Variants in IP6K2 observed in about 807,000 individuals in gnomAD.
The protein encoded by IP6K2 is inositol hexakisphosphate kinase 2.
IP6K2 carries 9 observed loss-of-function variants against 43.3 expected under a neutral mutation model. That is an observed-to-expected ratio of 0.21 (90% CI 0.13 to 0.36). IP6K2 has a LOEUF of 0.36. Ranked by LOEUF, IP6K2 falls within the 10% of genes least tolerant of loss-of-function variation. The probability of loss-of-function intolerance (pLI) is 1.00; values close to 1 mark genes in which losing one functional copy is unlikely to be tolerated. For missense variants in IP6K2, 332 were observed against 538.4 expected, an observed-to-expected ratio of 0.62 and a Z score of 3.79; for synonymous variants, 209 against 202.4, an observed-to-expected ratio of 1.03 and a Z score of -0.28.
chr3:48,712,286 A>G (rs1024461578), intron 1 of IP6K2, among the ~76,000 whole-genome samples: 5 of 144,576 alleles, frequency 3.5e-5, no homozygotes, highest in African/African-American at 1.3e-4. Context: ...TCTGTCTCCC[A>G]GGCTAGAGTG....
At chr3:48,717,076 C>G (rs1439866463) in intron 1 of IP6K2, 81 bp downstream of exon 1, 1 of 154,834 alleles carries the variant, frequency 6.5e-6, no homozygotes, top group Non-Finnish European at 1.5e-5. Context: ...CTCCAATGAT[C>G]AGAGATCCCG....
In IP6K2 at chr3:48,695,539, A is replaced by G; in HGVS notation, c.-130-118T>C. On this transcript the variant is annotated intron_variant, in intron 1 of 5. Coordinates refer to ENST00000328631, the MANE Select transcript of IP6K2 (RefSeq NM_016291.4). This position sits in a 1 kb window ranked among gnomAD's most constrained non-coding sequence, Gnocchi z 4.6. Reference sequence around the variant, plus strand: ...GACAAACAGTCTGAGTTCTTGCGGGACTCCGCCCATGCCACCCACCTTGGC... The same window carrying G: ...GACAAACAGTCTGAGTTCTTGCGGGGCTCCGCCCATGCCACCCACCTTGGC... 1 of 1,256,214 alleles carries G rather than the reference A, an allele frequency of 8.0e-7. No individual in the cohort carries two copies. Among genetic ancestry groups the G allele is most frequent in the Non-Finnish European group, 1.0e-6 (1 of 994,040 alleles). The allele number at this position is 1,256,214 out of a possible 1,614,324, so 77.8% of individuals were successfully genotyped here. A position where few individuals can be genotyped will look rare whatever the true frequency, so the allele number is the denominator to read the frequency against.
intron 1 of IP6K2, among the ~76,000 whole-genome samples, chr3:48,705,943 C>T (rs576859417): frequency 6.6e-6 from 1 of 151,312 alleles, no homozygotes; most frequent in African/African-American, 2.4e-5. Flanking sequence ...TAGTGGCTCA[C>T]GCCTGTAATC....
At chr3:48,689,441 T>C in intron 5 of IP6K2, 97 bp downstream of exon 5, 1 of 1,321,422 alleles carries the variant, frequency 7.6e-7, no homozygotes. Flanking sequence ...TGTGAGCCAC[T>C]GCACCTGGCC....
intron 1 of IP6K2, among the ~76,000 whole-genome samples, chr3:48,698,397 G>A (rs1350604263): frequency 1.3e-5 from 2 of 152,118 alleles, no homozygotes; most frequent in East Asian, 1.9e-4. Flanking sequence ...TATAATCCCA[G>A]CACTTTGGGA....
At position 48,693,101 on chromosome 3, in the gene IP6K2, C is replaced by T; in HGVS notation, c.281G>A (p.Gly94Glu). 6.2e-7 allele frequency: 1 copy of T among 1,614,244 alleles called. No individual in the cohort carries two copies. The highest frequency in any genetic ancestry group is 1.3e-5 in the African/African-American group (1 of 75,076). The change falls in exon 3 of 6, where the codon GGA becomes GAA. Residue 94 changes from glycine (G) to glutamate (E), a missense_variant. Transcript: ENST00000328631. ...TGAATTATCTACAATGTCCACAATT[C>T]CATGGTCCCCTTTCAATGGATATGC... ...LIAYPLKGDHGIVDIVDNSDC... is the reference protein window; with the variant it reads ...LIAYPLKGDHEIVDIVDNSDC...
At chr3:48,710,763 C>A (rs1483912505) in intron 1 of IP6K2, among the ~76,000 whole-genome samples, 2 of 152,148 alleles carry the variant, frequency 1.3e-5, no homozygotes, top group South Asian at 2.1e-4. Context: ...GTGGCCACCA[C>A]CACGCCCGGC....
At chr3:48,699,208 C>T (rs183230079) in intron 1 of IP6K2, among the ~76,000 whole-genome samples, 57 of 152,106 alleles carry the variant, frequency 3.7e-4, no homozygotes, top group Admixed American at 1.5e-3. Flanking sequence ...GTCTGGAGTT[C>T]GAGACCAGCC....
At chr3:48,694,000 G>GA in intron 2 of IP6K2, 2 of 1,381,618 alleles carry the variant, frequency 1.4e-6, no homozygotes, top group Non-Finnish European at 1.9e-6. Context: ...CAAACGACTG[G>GA]CTGAACACCT....
Position 48,688,902 on chromosome 3 carries a change from A to G in IP6K2, c.781-129T>C. 2.0e-6 allele frequency: 2 copies of G among 976,010 alleles called. No individual in the cohort carries two copies. The highest frequency in any genetic ancestry group is 3.0e-6 in the Non-Finnish European group (2 of 669,568). The allele number at this position is 976,010 out of a possible 1,614,324, so 60.5% of individuals were successfully genotyped here. A position where few individuals can be genotyped will look rare whatever the true frequency, so the allele number is the denominator to read the frequency against. On this transcript the variant is annotated intron_variant, in intron 5 of 5. Transcript: ENST00000328631. This position sits in a 1 kb window ranked among gnomAD's most constrained non-coding sequence, Gnocchi z 5.1. ...ATCAGATAAAGTACACCAGTTGCACATGAGCCACTGTCCACTATGCTCTCT... is the reference window on the plus strand; with the variant it reads ...ATCAGATAAAGTACACCAGTTGCACGTGAGCCACTGTCCACTATGCTCTCT...
At chr3:48,699,906 T>C (rs2078841947) in intron 1 of IP6K2, 1 of 152,118 alleles carries the variant, frequency 6.6e-6, no homozygotes, top group Admixed American at 6.6e-5. Flanking sequence ...CAACAAAATA[T>C]GGCTGGGTAC....
In IP6K2 at chr3:48,688,441, G is replaced by A. The variant is rs2077511794; in HGVS notation, c.1113C>T (p.Pro371=). ...GCACATCTACAGAGCTGGCGCCGAT[G>A]GGTTTGTAGGCATAGGCACCAGCAG... ...DESAGAYAYK[P]IGASSVDVRM... The change falls in exon 6 of 6, where the codon CCC becomes CCT. Residue 371 remains proline (P), a synonymous_variant. Transcript: ENST00000328631. This position sits in a 1 kb window ranked among gnomAD's most constrained non-coding sequence, Gnocchi z 5.1. The A allele has an allele frequency of 6.2e-7, 1 of 1,614,230 alleles. No individual in the cohort carries two copies. The highest frequency in any genetic ancestry group is 1.3e-5 in the African/African-American group (1 of 75,056).
At chr3:48,707,681 G>GC (rs1236236134) in intron 1 of IP6K2, among the ~76,000 whole-genome samples, 5 of 151,956 alleles carry the variant, frequency 3.3e-5, no homozygotes, top group African/African-American at 7.3e-5. Flanking sequence ...CAGGTGATCC[G>GC]CCCCCCTTGG....
rs2106826633 is a variant in IP6K2 at position 48,695,039 on chromosome 3, C to G, written c.202+51G>C. On this transcript the variant is annotated intron_variant, in intron 2 of 5. Transcript: ENST00000328631. The surrounding 1 kb of genome is among the most constrained non-coding windows in gnomAD (Gnocchi z 4.6). ...TGCCAGGGCCTTCCATGGCCACGAT[C>G]TCTCACATCTCCTCGCCAGTGTGGC... 1 of 1,614,152 alleles carries G rather than the reference C, an allele frequency of 6.2e-7. No individual in the cohort carries two copies. The highest frequency in any genetic ancestry group is 1.3e-5 in the African/African-American group (1 of 75,056).
intron 5 of IP6K2, 65 bp downstream of exon 5, chr3:48,689,473 G>T (rs903326282): frequency 1.3e-6 from 2 of 1,511,788 alleles, no homozygotes. Context: ...GAGCAAACAG[G>T]ACTATACCAG....
chr3:48,690,461 C>A (rs2077668284), intron 4 of IP6K2, among the ~76,000 whole-genome samples: 1 of 151,910 alleles, frequency 6.6e-6, no homozygotes, highest in East Asian at 1.9e-4. Context: ...CACAGTGAGA[C>A]CTTACCTCTA....
intron 1 of IP6K2, among the ~76,000 whole-genome samples, chr3:48,712,901 T>C (rs1163153388): frequency 6.6e-6 from 1 of 151,818 alleles, no homozygotes; most frequent in Non-Finnish European, 1.5e-5. Flanking sequence ...TAGGCCCAGC[T>C]ACTTAGGAGG....
intron 1 of IP6K2, among the ~76,000 whole-genome samples, chr3:48,699,020 G>T (rs1019215704): frequency 1.3e-5 from 2 of 152,174 alleles, no homozygotes; most frequent in Admixed American, 1.3e-4. Flanking sequence ...CAGTTACGTA[G>T]AAAAATAACT....
At position 48,695,832 on chromosome 3, in the gene IP6K2, T is replaced by A. The variant is rs945922932; in HGVS notation, c.-130-411A>T. Among the ~76,000 whole-genome samples the A allele has an allele frequency of 8.8e-5, 13 of 146,964 alleles. No homozygotes were observed. The highest frequency in any genetic ancestry group is 1.5e-5 in the Non-Finnish European group (1 of 66,692). ...CAGGTCTCCCATTAATTTTATATAT[T>A]ATATATAATATATATTATATATATA... On this transcript the variant is annotated intron_variant, in intron 1 of 5. Transcript: ENST00000328631. This position sits in a 1 kb window ranked among gnomAD's most constrained non-coding sequence, Gnocchi z 4.6.
Sources: gnomAD v4.1 joint callset for allele counts (sites outside exome capture counted in the v4.1 genomes callset) on GRCh38, gnomAD v4.1.1 for gene constraint, Gnocchi (gnomAD v3.1) non-coding constraint, MANE v1.5 for transcripts, NCBI Gene and HGNC (gene_info 2026-07-23, HGNC 2026-07-21) for gene names.